WAPL: variants seen among roughly 807,000 people sequenced by gnomAD.
WAPL encodes wings apart-like protein homolog.
A neutral mutation model predicts 121.0 loss-of-function variants in WAPL; 5 were observed. That is an observed-to-expected ratio of 0.04 (90% CI 0.02 to 0.09). WAPL has a LOEUF of 0.09. WAPL is among the 10% of genes least tolerant of loss of function. The pLI is 1.00. For synonymous variants in WAPL, 480 were observed against 481.5 expected, an observed-to-expected ratio of 1.00 and a Z score of 0.04; for missense variants, 999 against 1,410.8, an observed-to-expected ratio of 0.71 and a Z score of 4.68.
chr10:86,511,725 G>T (rs1231731896), intron 2 of WAPL, among the ~76,000 whole-genome samples: 2 of 152,184 alleles, frequency 1.3e-5, no homozygotes, highest in African/African-American at 4.8e-5. Context: ...CTCAAGCCCA[G>T]GAGTTCAGGA....
chr10:86,492,308 T>C (rs1225656218), intron 4 of WAPL, among the ~76,000 whole-genome samples: 3 of 152,140 alleles, frequency 2.0e-5, no homozygotes, highest in African/African-American at 4.8e-5. Context: ...ATTAGAAAAC[T>C]CATCATTCTG....
chr10:86,435,363 C>T lies in WAPL; in HGVS notation c.*2180G>A, dbSNP rs1849293020. The T allele has an allele frequency of 6.6e-6, 1 of 152,512 alleles. No homozygotes were observed. Among genetic ancestry groups the T allele is most frequent in the Admixed American group, 6.6e-5 (1 of 15,256 alleles). 9.4% of individuals were successfully genotyped at this position (152,512 alleles called of 1,614,324 possible). A position where few individuals can be genotyped will look rare whatever the true frequency, so the allele number is the denominator to read the frequency against. ...TTTTTTCCTGCCGTTGGCTTTTGCT[C>T]CAAAGATCACAGCTGAGAAATACTG... On this transcript the variant is annotated 3_prime_UTR_variant, in exon 19 of 19. Coordinates refer to ENST00000298767, the MANE Select transcript of WAPL (RefSeq NM_015045.5).
Position 86,517,637 on chromosome 10 carries a change from T to C in WAPL, c.433A>G (p.Lys145Glu), listed in dbSNP as rs1474839367. 5 of 1,614,116 alleles carry C rather than the reference T, an allele frequency of 3.1e-6. No homozygotes were observed. Among genetic ancestry groups the C allele is most frequent in the Non-Finnish European group, 4.2e-6 (5 of 1,180,028 alleles). Residue 145 changes from lysine (K) to glutamate (E), a missense_variant, in exon 2 of 19, where the codon AAG (lysine) becomes GAG (glutamate). Lys to Glu is a moderately conservative substitution (Grantham distance 56, BLOSUM62 1). Around this residue, in one of 7 missense-constraint regions of WAPL, gnomAD observed 531 missense variants for 563.1 expected, o/e 0.94. Coordinates refer to ENST00000298767, the MANE Select transcript of WAPL (RefSeq NM_015045.5). ...PLEDTLLGKE[K>E]STNRIVEDDA... The stretch of plus-strand genomic sequence containing the variant: ...TCTTCTACAATTCGGTTTGTGCTCT[T>C]TTCTTTCCCAAGTAAAGTGTCCTCC...
At chr10:86,443,552 A>C in intron 16 of WAPL, 189 bp from the exon 17 acceptor site, 2 of 497,282 alleles carry the variant, frequency 4.0e-6, no homozygotes, top group Non-Finnish European at 3.5e-6. Flanking sequence ...GAAAAGCTGA[A>C]ACCATAAAAC....
Position 86,499,757 on chromosome 10 carries a change from C to T in WAPL, c.1486G>A (p.Asp496Asn). Residue 496 changes from aspartate (D) to asparagine (N), a missense_variant, in exon 3 of 19, where the codon GAT (aspartate) becomes AAT (asparagine). Coordinates refer to ENST00000298767, the MANE Select transcript of WAPL (RefSeq NM_015045.5). ...PSLQPPPESN[D>N]NSQDSQSGTN... ...CCAGACTGACTGTCCTGGGAATTAT[C>T]ATTGCTTTCTGGGGGAGGCTGCAAG... 6.3e-7 allele frequency: 1 copy of T among 1,597,576 alleles called. No homozygotes were observed. Among genetic ancestry groups the T allele is most frequent in the Non-Finnish European group, 8.5e-7 (1 of 1,175,196 alleles).
chr10:86,471,298 A>G (rs1011518453), intron 7 of WAPL, among the ~76,000 whole-genome samples, 195 bp from the exon 8 acceptor site: 3 of 152,192 alleles, frequency 2.0e-5, no homozygotes, highest in Non-Finnish European at 4.4e-5. Flanking sequence ...GATTAGGTAC[A>G]CTGTATTTTA....
At chr10:86,441,503 T>C (rs1849470382) in intron 17 of WAPL, among the ~76,000 whole-genome samples, 1 of 150,060 alleles carries the variant, frequency 6.7e-6, no homozygotes, top group African/African-American at 2.5e-5. Flanking sequence ...GAGAGTGGCA[T>C]GGGGTCCCAC....
At chr10:86,488,321 T>G (rs143833343) in intron 4 of WAPL, 30 of 152,278 alleles carry the variant, frequency 2.0e-4, no homozygotes, top group African/African-American at 6.7e-4. Context: ...CCATACCTAG[T>G]GAACAAGTAT....
At chr10:86,464,377 T>C (rs1841353884) in intron 9 of WAPL, among the ~76,000 whole-genome samples, 1 of 152,234 alleles carries the variant, frequency 6.6e-6, no homozygotes, top group Non-Finnish European at 1.5e-5. Flanking sequence ...AAGTTTATCA[T>C]GTTATTTAAC....
At chr10:86,503,798 G>A (rs1208603719) in intron 2 of WAPL, among the ~76,000 whole-genome samples, 1 of 151,662 alleles carries the variant, frequency 6.6e-6, no homozygotes, top group Non-Finnish European at 1.5e-5. Flanking sequence ...ATCATTAGTT[G>A]CTAGGGAAAC....
At chr10:86,483,942 C>T (rs1841866365) in intron 4 of WAPL, among the ~76,000 whole-genome samples, 1 of 151,584 alleles carries the variant, frequency 6.6e-6, no homozygotes, top group South Asian at 2.1e-4. Context: ...TGGCCTCAAA[C>T]TCCTGACCTC....
chr10:86,516,802 A>G (rs1017426464), intron 2 of WAPL, among the ~76,000 whole-genome samples: 2 of 152,126 alleles, frequency 1.3e-5, no homozygotes, highest in African/African-American at 4.8e-5. Context: ...ATCTATCAAC[A>G]CAGCCGGGCA....
intron 4 of WAPL, among the ~76,000 whole-genome samples, chr10:86,491,795 C>T (rs539829698): frequency 7.9e-5 from 12 of 150,954 alleles, no homozygotes; most frequent in East Asian, 7.8e-4. Context: ...ATTTTTATTA[C>T]ATATATTTAA....
At chr10:86,458,003 A>G (rs1483757601) in intron 12 of WAPL, among the ~76,000 whole-genome samples, 2 of 152,244 alleles carry the variant, frequency 1.3e-5, no homozygotes, top group Non-Finnish European at 2.9e-5. Flanking sequence ...TGTGTACATT[A>G]CAGTTTATTA....
At position 86,446,247 on chromosome 10, in the gene WAPL, T is replaced by C. The variant is rs780234978; in HGVS notation, c.3317A>G (p.Asn1106Ser). Residue 1106 changes from asparagine (N) to serine (S), a missense_variant, in exon 16 of 19, where the codon AAT (asparagine) becomes AGT (serine). This residue lies in a region of WAPL where 126 missense variants were observed against 144.0 expected (regional missense o/e 0.87). Coordinates refer to ENST00000298767, the MANE Select transcript of WAPL (RefSeq NM_015045.5). ...KEEEDEELDL[N>S]KALQHAGKHM... The stretch of plus-strand genomic sequence containing the variant: ...ACCATTCAAAGTAAATATACCTTTA[T>C]TGAGGTCAAGTTCTTCATCCTCCTC... 1.1e-5 allele frequency: 17 copies of C among 1,614,044 alleles called. No homozygotes were observed. The highest frequency in any genetic ancestry group is 1.4e-5 in the Non-Finnish European group (16 of 1,180,002).
intron 9 of WAPL, 79 bp from the exon 10 acceptor site, chr10:86,461,366 C>G: frequency 9.1e-7 from 1 of 1,095,758 alleles, no homozygotes; most frequent in South Asian, 1.4e-5. Flanking sequence ...CAAAAATTTA[C>G]TGCATGCTAC....
At chr10:86,506,110 C>G (rs1589536926) in intron 2 of WAPL, among the ~76,000 whole-genome samples, 1 of 152,066 alleles carries the variant, frequency 6.6e-6, no homozygotes, top group African/African-American at 2.4e-5. Flanking sequence ...TGGTACACAC[C>G]CGTGGTCCCA....
intron 4 of WAPL, among the ~76,000 whole-genome samples, chr10:86,483,852 T>C (rs1841863380): frequency 8.7e-6 from 1 of 115,390 alleles, no homozygotes; most frequent in Non-Finnish European, 1.6e-5. Context: ...TGGAGTACAG[T>C]GGCGCGATCT....
intron 17 of WAPL, among the ~76,000 whole-genome samples, chr10:86,438,926 T>C (rs960156156): frequency 2.6e-5 from 4 of 152,156 alleles, no homozygotes; most frequent in Admixed American, 2.6e-4. Context: ...TAAAAAACTA[T>C]TTCATTAAAG....
Sources: gnomAD v4.1 joint callset for allele counts (sites outside exome capture counted in the v4.1 genomes callset) on GRCh38, gnomAD v4.1.1 for gene constraint, gnomAD v4.1.1 regional missense constraint, MANE v1.5 for transcripts, NCBI Gene and HGNC (gene_info 2026-07-23, HGNC 2026-07-21) for gene names.